The following TAGLN3 variants were observed in gnomAD, a reference collection of about 807,000 sequenced individuals.
TAGLN3 encodes transgelin-3.
A neutral mutation model predicts 25.4 loss-of-function variants in TAGLN3; 12 were observed. The ratio of observed to expected loss-of-function variants is 0.47; its 90% CI spans 0.30 to 0.77. The LOEUF (loss-of-function observed/expected upper bound fraction) is 0.77, where lower values mean the gene tolerates loss of function less well. TAGLN3 is among the 30% of genes least tolerant of loss of function. The pLI is 0.06. For missense variants in TAGLN3, 218 were observed against 255.8 expected (o/e 0.85, Z 1.01); for synonymous variants, 96 against 94.8 (o/e 1.01, Z -0.08).
chr3:112,011,962 C>A, intron 4 of TAGLN3, 97 bp downstream of exon 4: 2 of 1,119,120 alleles, frequency 1.8e-6, no homozygotes, highest in Non-Finnish European at 1.3e-6. Context: ...ATGTGCAAAG[C>A]CCCAGGACCA....
intron 3 of TAGLN3, among the ~76,000 whole-genome samples, chr3:112,010,525 A>C (rs2072964165): frequency 6.6e-6 from 1 of 151,674 alleles, no homozygotes; most frequent in Admixed American, 6.6e-5. Flanking sequence ...CCTGTGGAAG[A>C]GTCATTCTAA....
Position 111,999,986 on chromosome 3 carries a change from G to T in TAGLN3, c.180+384G>T, listed in dbSNP as rs1464512045. ...TGGTTACACAGTAAAACAAAGAAGGGAGGAGGGGGACTAGCCACCTTCACA... is the reference window on the plus strand; with the variant it reads ...TGGTTACACAGTAAAACAAAGAAGGTAGGAGGGGGACTAGCCACCTTCACA... On this transcript the variant is annotated intron_variant, in intron 2 of 4. Coordinates refer to ENST00000478951, the MANE Select transcript of TAGLN3 (RefSeq NM_001008272.2). Among the ~76,000 whole-genome samples, 10 of 152,350 alleles carry T rather than the reference G, an allele frequency of 6.6e-5. No homozygotes were observed. In the East Asian group the frequency reaches 1.9e-3, roughly 29 times the overall value.
intron 3 of TAGLN3, among the ~76,000 whole-genome samples, chr3:112,001,787 T>C (rs2072864238): frequency 6.6e-6 from 1 of 152,158 alleles, no homozygotes; most frequent in African/African-American, 2.4e-5. Flanking sequence ...ACCAACAGGA[T>C]CCCCAGGGCA....
intron 4 of TAGLN3, among the ~76,000 whole-genome samples, chr3:112,012,066 G>A (rs749469463): frequency 7.2e-5 from 11 of 152,176 alleles, no homozygotes; most frequent in Non-Finnish European, 1.3e-4. Context: ...AAATGGTTGG[G>A]CCTTTTCTAC....
intron 3 of TAGLN3, among the ~76,000 whole-genome samples, chr3:112,010,805 A>AG (rs2072968152): frequency 6.6e-6 from 1 of 152,164 alleles, no homozygotes; most frequent in Non-Finnish European, 1.5e-5. Context: ...GAAGATCCTG[A>AG]GCTGGACTTC....
rs1352888 is a variant in TAGLN3, at chr3:112,008,039, C to T, written c.356-3724C>T. On this transcript the variant is annotated intron_variant, in intron 3 of 4. Coordinates refer to ENST00000478951, the MANE Select transcript of TAGLN3 (RefSeq NM_001008272.2). Reference sequence around the variant, plus strand: ...CCAGGCAACACCTATAACTCTCAAACTTGCCTGAAGATATGAATCACCCAG... The same window carrying T: ...CCAGGCAACACCTATAACTCTCAAATTTGCCTGAAGATATGAATCACCCAG... Among the ~76,000 whole-genome samples the T allele has an allele frequency of 6.1e-3, 929 of 152,276 alleles. 10 individuals carry two copies. Among genetic ancestry groups the T allele is most frequent in the African/African-American group, 0.022 (896 of 41,546 alleles).
intron 3 of TAGLN3, among the ~76,000 whole-genome samples, chr3:112,005,004 TG>T (rs1219843651): frequency 1.3e-5 from 2 of 152,204 alleles, no homozygotes; most frequent in Non-Finnish European, 2.9e-5. Context: ...ACCCTCTTGA[TG>T]TCTTTCCCCA....
At chr3:111,999,678 GC>G (rs2072833793) in intron 2 of TAGLN3, 76 bp downstream of exon 2, 1 of 1,538,830 alleles carries the variant, frequency 6.5e-7, no homozygotes, top group East Asian at 2.3e-5. Flanking sequence ...TTAACGTAAG[GC>G]TGCGGGAAGA....
chr3:111,999,400 CGT>C lies in TAGLN3; in HGVS notation c.-2-18_-2-17del, dbSNP rs2072828014. 1 of 1,610,246 alleles carries C rather than the reference CGT, an allele frequency of 6.2e-7. No individual in the cohort carries two copies. The highest frequency in any genetic ancestry group is 2.2e-5 in the East Asian group (1 of 44,786). Reference sequence around the variant, plus strand: ...CTGCTGCTATTGTGTGGATGCCGCGCGTGTCTTCTCTTCTTTCCAGAGATGGC... The same window carrying C: ...CTGCTGCTATTGTGTGGATGCCGCGCGTCTTCTCTTCTTTCCAGAGATGGC... On this transcript the variant is annotated intron_variant, in intron 1 of 4. Transcript: ENST00000478951.
chr3:112,011,250 C>T (rs1348874820), intron 3 of TAGLN3, among the ~76,000 whole-genome samples: 4 of 152,218 alleles, frequency 2.6e-5, no homozygotes, highest in African/African-American at 9.6e-5. Flanking sequence ...GGTAACAGGG[C>T]TCCCCATCCC....
At chr3:112,012,324 T>C (rs62280165) in intron 4 of TAGLN3, among the ~76,000 whole-genome samples, 22,552 of 149,694 alleles carry the variant, frequency 0.15, 2,082 homozygotes, top group Middle Eastern at 0.22. Flanking sequence ...TTTGTTTGTG[T>C]ACTTAATAAA....
chr3:112,000,178 A>G (rs2072839752), intron 2 of TAGLN3, among the ~76,000 whole-genome samples: 1 of 152,204 alleles, frequency 6.6e-6, no homozygotes, highest in Non-Finnish European at 1.5e-5. Flanking sequence ...AAACAAGCCC[A>G]TCCTTTCCTG....
intron 3 of TAGLN3, among the ~76,000 whole-genome samples, chr3:112,007,743 T>A (rs2072933043): frequency 6.6e-6 from 1 of 152,226 alleles, no homozygotes; most frequent in Non-Finnish European, 1.5e-5. Flanking sequence ...TGGGCTGACT[T>A]CCAACTTGGA....
chr3:112,011,921 G>A, intron 4 of TAGLN3, 56 bp downstream of exon 4: 2 of 1,537,992 alleles, frequency 1.3e-6, no homozygotes, highest in Non-Finnish European at 1.8e-6. Context: ...CAGAGGGAGG[G>A]TCTGAAGCCT....
intron 3 of TAGLN3, among the ~76,000 whole-genome samples, chr3:112,011,434 G>C (rs2072976367): frequency 6.6e-6 from 1 of 152,180 alleles, no homozygotes; most frequent in South Asian, 2.1e-4. Flanking sequence ...CATTTGCCAG[G>C]CCTCTGGCCC....
chr3:112,012,618 TA>T (rs937002759), intron 4 of TAGLN3, among the ~76,000 whole-genome samples: 80 of 145,274 alleles, frequency 5.5e-4, no homozygotes, highest in Admixed American at 8.9e-4. Context: ...TGACAGTTAT[TA>T]AAAAAAAAAA....
At chr3:112,012,733 C>T (rs988184999) in intron 4 of TAGLN3, among the ~76,000 whole-genome samples, 6 of 152,126 alleles carry the variant, frequency 3.9e-5, no homozygotes, top group Non-Finnish European at 5.9e-5. Context: ...AGTGAACTAC[C>T]GTGTTCCCAT....
chr3:112,002,497 G>T (rs556231998), intron 3 of TAGLN3, among the ~76,000 whole-genome samples: 1 of 152,280 alleles, frequency 6.6e-6, no homozygotes, highest in East Asian at 1.9e-4. Context: ...CACCTACACC[G>T]TGAGTGTGCT....
chr3:112,007,215 G>A (rs529413608), intron 3 of TAGLN3, among the ~76,000 whole-genome samples: 11 of 152,136 alleles, frequency 7.2e-5, no homozygotes, highest in Non-Finnish European at 1.2e-4. Context: ...CCTACGAAAG[G>A]AGCACATATT....
Sources: allele counts gnomAD v4.1 joint callset (sites outside exome capture counted in the v4.1 genomes callset), GRCh38; gene constraint gnomAD v4.1.1; transcripts MANE v1.5; gene names NCBI Gene and HGNC (gene_info 2026-07-23, HGNC 2026-07-21).